TTC6: variants seen among roughly 807,000 people sequenced by gnomAD.
TTC6 encodes tetratricopeptide repeat protein 6.
A neutral mutation model predicts 210.4 loss-of-function variants in TTC6; 172 were observed. That is an observed-to-expected ratio of 0.82 (90% CI 0.72 to 0.93). The LOEUF (loss-of-function observed/expected upper bound fraction) is 0.93. Ranked by LOEUF, TTC6 falls within the 40% of genes least tolerant of loss-of-function variation. TTC6 has a pLI of 0.00. For synonymous variants in TTC6, 804 were observed against 819.6 expected, an observed-to-expected ratio of 0.98 and a Z score of 0.32; for missense variants, 2,414 against 2,318.1, an observed-to-expected ratio of 1.04 and a Z score of -0.85.
intron 1 of TTC6, among the ~76,000 whole-genome samples, chr14:37,654,539 A>AGCCT (rs1165019469): frequency 2.6e-5 from 4 of 152,082 alleles, no homozygotes; most frequent in Non-Finnish European, 4.4e-5. Context: ...CTTCCTGTAC[A>AGCCT]GCCTGCAGAA....
At chr14:37,711,953 T>C (rs530857928) in intron 5 of TTC6, among the ~76,000 whole-genome samples, 1 of 152,200 alleles carries the variant, frequency 6.6e-6, no homozygotes, top group Admixed American at 6.5e-5. Context: ...GAGATAGTGG[T>C]GTTTTTCAAA....
intron 10 of TTC6, among the ~76,000 whole-genome samples, chr14:37,742,002 T>C (rs2095921357): frequency 6.6e-6 from 1 of 152,204 alleles, no homozygotes; most frequent in Non-Finnish European, 1.5e-5. Flanking sequence ...CAGTGACCTC[T>C]TCCTATTGAT....
At chr14:37,668,701 A>G (rs2095752839) in intron 1 of TTC6, among the ~76,000 whole-genome samples, 1 of 152,344 alleles carries the variant, frequency 6.6e-6, no homozygotes, top group Admixed American at 6.5e-5. Flanking sequence ...AAAAATCTGC[A>G]AAGTCACATG....
exon 22 of TTC6, chr14:37,806,416 T>G: frequency 4.6e-6 from 7 of 1,535,692 alleles, no homozygotes; most frequent in Non-Finnish European, 6.1e-6. Flanking sequence ...GCAGAAAGCT[T>G]TTATCAGCGA....
intron 14 of TTC6, among the ~76,000 whole-genome samples, chr14:37,771,811 G>A (rs1363947986): frequency 6.6e-6 from 1 of 152,182 alleles, no homozygotes; most frequent in Admixed American, 6.5e-5. Context: ...GCTCGTGAAA[G>A]TCATTCTCCA....
chr14:37,746,718 A>C (rs546583493), intron 10 of TTC6, among the ~76,000 whole-genome samples: 3 of 152,158 alleles, frequency 2.0e-5, no homozygotes, highest in Non-Finnish European at 4.4e-5. Context: ...TGGGAGTCAC[A>C]GCTGAGTGAT....
chr14:37,823,688 A>T, intron 26 of TTC6, 59 bp from the exon 29 acceptor site: 1 of 1,443,316 alleles, frequency 6.9e-7, no homozygotes. Flanking sequence ...AAAACATTGT[A>T]TATGTCACCA....
chr14:37,622,343 G>A, exon 1 of TTC6: 1 of 1,531,872 alleles, frequency 6.5e-7, no homozygotes, highest in Non-Finnish European at 8.7e-7. Flanking sequence ...TGCAGGAGGT[G>A]CTCGGAGGCG....
At chr14:37,706,600 T>C (rs1180104846) in intron 5 of TTC6, among the ~76,000 whole-genome samples, 2 of 152,128 alleles carry the variant, frequency 1.3e-5, no homozygotes, top group African/African-American at 4.8e-5. Context: ...ATGAGATGCA[T>C]TGCAACCATA....
intron 6 of TTC6, among the ~76,000 whole-genome samples, chr14:37,719,810 C>G (rs2095858474): frequency 6.6e-6 from 1 of 151,858 alleles, no homozygotes; most frequent in South Asian, 2.1e-4. Context: ...TACACTTGAC[C>G]CCAAAAGCAC....
chr14:37,636,269 G>A (rs2095680510), intron 1 of TTC6, among the ~76,000 whole-genome samples: 1 of 152,124 alleles, frequency 6.6e-6, no homozygotes. Context: ...TCAGCCACTA[G>A]GCTCTAACCT....
chr14:37,731,904 A>AT (rs1438343355), intron 7 of TTC6, among the ~76,000 whole-genome samples: 2 of 151,706 alleles, frequency 1.3e-5, no homozygotes, highest in Non-Finnish European at 2.9e-5. Context: ...TTTTATTGTT[A>AT]TTTTTATTTT....
intron 1 of TTC6, among the ~76,000 whole-genome samples, chr14:37,677,764 G>C (rs1206602487): frequency 6.6e-6 from 1 of 151,818 alleles, no homozygotes; most frequent in African/African-American, 2.4e-5. Context: ...GGTTCCTGTT[G>C]ATATGCCTTT....
chr14:37,842,366 AGGTT>A, exon 31 of TTC6: 5 of 1,311,220 alleles, frequency 3.8e-6, no homozygotes, highest in Non-Finnish European at 5.0e-6. Context: ...GTTGTCTAAA[AGGTT>A]CTACCATTTT....
chr14:37,742,366 T>A (rs1446410471), intron 10 of TTC6, among the ~76,000 whole-genome samples: 1 of 152,086 alleles, frequency 6.6e-6, no homozygotes, highest in East Asian at 1.9e-4. Context: ...TTTTCCTTAG[T>A]TGTTTTATCC....
chr14:37,727,533 T>C (rs574452032), intron 7 of TTC6, among the ~76,000 whole-genome samples: 3 of 25,614 alleles, frequency 1.2e-4, no homozygotes, highest in South Asian at 4.1e-3. Context: ...GACCTTGTGA[T>C]CCGCCCGCCT....
intron 25 of TTC6, among the ~76,000 whole-genome samples, chr14:37,813,064 G>A (rs534575340): frequency 4.6e-4 from 70 of 152,110 alleles, no homozygotes; most frequent in Middle Eastern, 6.8e-3. Context: ...AAATTAAATA[G>A]CAATTAGAGA....
At chr14:37,815,629 C>CTATAT (rs2096139681) in intron 25 of TTC6, among the ~76,000 whole-genome samples, 1 of 151,934 alleles carries the variant, frequency 6.6e-6, no homozygotes, top group Non-Finnish European at 1.5e-5. Flanking sequence ...GTCCCCAACC[C>CTATAT]CTGGTATATA....
intron 23 of TTC6, among the ~76,000 whole-genome samples, chr14:37,807,960 T>G (rs1214808890): frequency 6.6e-6 from 1 of 152,096 alleles, no homozygotes; most frequent in Non-Finnish European, 1.5e-5. Context: ...TTTAAATTAC[T>G]TTATTGTTGA....
Sources: gnomAD v4.1 joint callset for allele counts (sites outside exome capture counted in the v4.1 genomes callset) on GRCh38, gnomAD v4.1.1 for gene constraint, MANE v1.5 for transcripts, NCBI Gene and HGNC (gene_info 2026-07-23, HGNC 2026-07-21) for gene names.